Variants in CHSY1 observed in about 807,000 individuals in gnomAD.
CHSY1 encodes the protein N-acetylgalactosaminyl-proteoglycan 3-beta-glucuronosyltransferase 1.
Under a neutral mutation model 59.8 loss-of-function variants are expected in CHSY1, and 13 were observed. The ratio of observed to expected loss-of-function variants is 0.22; its 90% confidence interval spans 0.14 to 0.35. The LOEUF (loss-of-function observed/expected upper bound fraction) is 0.35, where lower values mean the gene tolerates loss of function less well. Among genes scored for constraint, CHSY1 ranks in the 10% least tolerant of loss-of-function variants. The probability of loss-of-function intolerance (pLI) is 1.00; values close to 1 mark genes in which losing one functional copy is unlikely to be tolerated. For missense variants in CHSY1, 947 were observed against 1,030.6 expected, an observed-to-expected ratio of 0.92 and a Z score of 1.11; for synonymous variants, 459 against 401.2, an observed-to-expected ratio of 1.14 and a Z score of -1.72.
chr15:101,222,788 G>A (rs536145785), intron 2 of CHSY1, among the ~76,000 whole-genome samples: 1 of 146,158 alleles, frequency 6.8e-6, no homozygotes, highest in African/African-American at 2.7e-5. Context: ...CCATCATGGT[G>A]GGGGGGGTAC....
intron 1 of CHSY1, among the ~76,000 whole-genome samples, chr15:101,246,230 T>C (rs1338664061): frequency 6.6e-6 from 1 of 151,882 alleles, no homozygotes; most frequent in Non-Finnish European, 1.5e-5. Flanking sequence ...TCTGACAACA[T>C]AAAAAAAGAA....
intron 1 of CHSY1, among the ~76,000 whole-genome samples, chr15:101,240,330 T>C (rs2038989621): frequency 6.6e-6 from 1 of 152,202 alleles, no homozygotes; most frequent in Non-Finnish European, 1.5e-5. Flanking sequence ...AAGGGAATGC[T>C]CCCAAAGAAG....
chr15:101,229,441 A>G (rs1293660507), intron 2 of CHSY1, among the ~76,000 whole-genome samples: 2 of 152,238 alleles, frequency 1.3e-5, no homozygotes, highest in African/African-American at 4.8e-5. Flanking sequence ...AACAGACTTC[A>G]GACAAAAATT....
At chr15:101,192,135 T>A (rs1031287531) in intron 2 of CHSY1, among the ~76,000 whole-genome samples, 1 of 152,190 alleles carries the variant, frequency 6.6e-6, no homozygotes, top group Non-Finnish European at 1.5e-5. Flanking sequence ...ACACACTCAT[T>A]TAATCCTCAC....
At chr15:101,208,695 A>G (rs1441195512) in intron 2 of CHSY1, among the ~76,000 whole-genome samples, 1 of 145,280 alleles carries the variant, frequency 6.9e-6, no homozygotes, top group African/African-American at 2.7e-5. Context: ...CCTGGGTGAC[A>G]GAGCAAGGCT....
chr15:101,197,374 AT>A (rs2038519951), intron 2 of CHSY1, among the ~76,000 whole-genome samples: 1 of 152,232 alleles, frequency 6.6e-6, no homozygotes, highest in Non-Finnish European at 1.5e-5. Flanking sequence ...TTAATCACAA[AT>A]GTATTCCCAA....
intron 2 of CHSY1, among the ~76,000 whole-genome samples, chr15:101,215,266 A>T (rs2038720030): frequency 1.3e-5 from 2 of 152,236 alleles, no homozygotes; most frequent in South Asian, 4.1e-4. Context: ...TGTAAGTTAC[A>T]GAGCTTAAAA....
chr15:101,189,058 C>T (rs542022713), intron 2 of CHSY1, among the ~76,000 whole-genome samples: 2 of 152,332 alleles, frequency 1.3e-5, no homozygotes, highest in Admixed American at 1.3e-4. Flanking sequence ...ATTTACTGAA[C>T]GCTCCCGTGA....
chr15:101,207,620 T>C (rs1383060392), intron 2 of CHSY1, among the ~76,000 whole-genome samples: 1 of 152,156 alleles, frequency 6.6e-6, no homozygotes, highest in Non-Finnish European at 1.5e-5. Flanking sequence ...AAAAAAAAAG[T>C]TGAATATTTG....
intron 2 of CHSY1, among the ~76,000 whole-genome samples, chr15:101,184,337 G>A (rs528855436): frequency 9.8e-4 from 149 of 152,088 alleles, no homozygotes; most frequent in African/African-American, 3.4e-3. Context: ...AGTACCTTCC[G>A]GCTAAACTCT....
At chr15:101,189,292 C>A in intron 2 of CHSY1, 1 of 320,874 alleles carries the variant, frequency 3.1e-6, no homozygotes, top group Non-Finnish European at 4.5e-6. Flanking sequence ...GCACCCTCTC[C>A]ACTCCAGTCA....
chr15:101,248,583 G>T (rs1425744780), intron 1 of CHSY1, among the ~76,000 whole-genome samples: 1 of 152,068 alleles, frequency 6.6e-6, no homozygotes. Flanking sequence ...GGAGAACCCC[G>T]CCTGGGGGCA....
chr15:101,246,366 TTTTTA>T (rs1008101079), intron 1 of CHSY1, among the ~76,000 whole-genome samples: 114 of 79,148 alleles, frequency 1.4e-3, no homozygotes, highest in Middle Eastern at 0.011. Context: ...CTTTTTTTTT[TTTTTA>T]ATCAAAACGT....
chr15:101,180,421 A>T (rs1192421079), intron 2 of CHSY1, among the ~76,000 whole-genome samples: 1 of 152,154 alleles, frequency 6.6e-6, no homozygotes, highest in Non-Finnish European at 1.5e-5. Flanking sequence ...TACCACTGAA[A>T]TCACTCCCAC....
At chr15:101,233,205 T>G (rs1008669462) in intron 2 of CHSY1, among the ~76,000 whole-genome samples, 1 of 152,204 alleles carries the variant, frequency 6.6e-6, no homozygotes, top group Non-Finnish European at 1.5e-5. Flanking sequence ...CCTCCCACCC[T>G]GCAGCCCCAG....
At chr15:101,188,305 T>A in intron 2 of CHSY1, 1 of 470,740 alleles carries the variant, frequency 2.1e-6, no homozygotes, top group South Asian at 9.3e-5. Flanking sequence ...TTTAAACATT[T>A]AAATTACATT....
chr15:101,219,451 A>C (rs2038767364), intron 2 of CHSY1, among the ~76,000 whole-genome samples: 1 of 152,226 alleles, frequency 6.6e-6, no homozygotes, highest in South Asian at 2.1e-4. Flanking sequence ...ATCCAGTTCC[A>C]CGTAGGGAGG....
At chr15:101,181,597 C>T (rs2038279174) in intron 2 of CHSY1, among the ~76,000 whole-genome samples, 1 of 152,206 alleles carries the variant, frequency 6.6e-6, no homozygotes, top group Non-Finnish European at 1.5e-5. Context: ...CTCTCCAGCC[C>T]CACTGGGTCA....
chr15:101,207,993 C>T (rs148759426), intron 2 of CHSY1, among the ~76,000 whole-genome samples: 1 of 152,322 alleles, frequency 6.6e-6, no homozygotes, highest in African/African-American at 2.4e-5. Context: ...GGGAAGGAGG[C>T]ATTGCAACAG....
Sources: allele counts gnomAD v4.1 joint callset (sites outside exome capture counted in the v4.1 genomes callset), GRCh38; gene constraint gnomAD v4.1.1; transcripts MANE v1.5; gene names NCBI Gene and HGNC (gene_info 2026-07-23, HGNC 2026-07-21).